KLHL1: variants seen among roughly 807,000 people sequenced by gnomAD.
KLHL1 encodes kelch like family member 1, also known as kelch-like protein 1.
In KLHL1, 47 loss-of-function variants were observed where a neutral mutation model predicts 77.7. The observed-to-expected ratio is 0.60, with a 90% CI of 0.48 to 0.77. KLHL1 has a LOEUF of 0.77. KLHL1 is among the 30% of genes least tolerant of loss of function. KLHL1 has a pLI of 0.00. For missense variants in KLHL1, 925 were observed against 910.8 expected (o/e 1.02, Z -0.20); for synonymous variants, 360 against 325.2 (o/e 1.11, Z -1.15).
intron 1 of KLHL1, among the ~76,000 whole-genome samples, chr13:70,012,371 T>G (rs1416540570): frequency 1.3e-5 from 2 of 150,380 alleles, no homozygotes; most frequent in East Asian, 3.8e-4. Flanking sequence ...TTTTCACTTT[T>G]AATTTTATTA....
At chr13:69,843,689 G>C (rs1480705786) in intron 5 of KLHL1, among the ~76,000 whole-genome samples, 2 of 151,648 alleles carry the variant, frequency 1.3e-5, no homozygotes, top group African/African-American at 4.8e-5. Context: ...AAATGATTTA[G>C]GATGGCCAAA....
chr13:70,078,877 T>A (rs1887325736), intron 1 of KLHL1, among the ~76,000 whole-genome samples: 1 of 152,188 alleles, frequency 6.6e-6, no homozygotes, highest in African/African-American at 2.4e-5. Flanking sequence ...AAAGTGAATA[T>A]GTTGAAATGA....
intron 1 of KLHL1, among the ~76,000 whole-genome samples, chr13:70,076,622 A>AAAAC (rs1566555928): frequency 4.6e-5 from 7 of 151,426 alleles, no homozygotes; most frequent in African/African-American, 1.7e-4. Context: ...GAAAACAAAA[A>AAAAC]AAAACAAAAC....
chr13:69,714,802 C>T lies in KLHL1; in HGVS notation c.2015+4567G>A, dbSNP rs552845918. ...ACAGATGGGATTTTGCTCTGTTGTC[C>T]AGGATGGTCTTAAACCCCTGAGCTC... On this transcript the variant is annotated intron_variant, in intron 9 of 10. Coordinates refer to ENST00000377844, the MANE Select transcript of KLHL1 (RefSeq NM_020866.3). Among the ~76,000 whole-genome samples, 105 of 152,060 alleles carry T rather than the reference C, an allele frequency of 6.9e-4. 1 individual carries two copies. In the South Asian group the frequency reaches 0.021, roughly 30 times the overall value.
chr13:69,795,509 A>G (rs115469077), intron 7 of KLHL1, among the ~76,000 whole-genome samples: 1,827 of 152,344 alleles, frequency 0.012, 24 homozygotes, highest in African/African-American at 0.04. Context: ...AGTAATTTGT[A>G]CTTCTCCTTA....
intron 5 of KLHL1, among the ~76,000 whole-genome samples, chr13:69,879,566 C>T (rs1454362644): frequency 6.6e-6 from 1 of 152,104 alleles, no homozygotes; most frequent in Non-Finnish European, 1.5e-5. Flanking sequence ...GTTAATGAAT[C>T]CAAGAGCAGC....
chr13:69,956,362 C>T (rs1310466029), intron 3 of KLHL1, among the ~76,000 whole-genome samples: 1 of 150,672 alleles, frequency 6.6e-6, no homozygotes, highest in Admixed American at 6.7e-5. Flanking sequence ...TTGAGAGTTG[C>T]TCAATGCATT....
intron 4 of KLHL1, among the ~76,000 whole-genome samples, chr13:69,906,149 T>C (rs1882039422): frequency 6.6e-6 from 1 of 152,114 alleles, no homozygotes; most frequent in Admixed American, 6.5e-5. Flanking sequence ...TATTCACTTA[T>C]TAAGTAATTA....
At chr13:69,942,031 G>T (rs1342455979) in intron 3 of KLHL1, among the ~76,000 whole-genome samples, 1 of 152,014 alleles carries the variant, frequency 6.6e-6, no homozygotes, top group East Asian at 1.9e-4. Context: ...ATTCAAAGGA[G>T]AGTTGGTGCC....
chr13:69,835,134 C>T (rs973865264), intron 6 of KLHL1, among the ~76,000 whole-genome samples: 1 of 151,948 alleles, frequency 6.6e-6, no homozygotes, highest in Middle Eastern at 3.4e-3. Flanking sequence ...TAGTTATAGA[C>T]AAAATACCTA....
At chr13:70,061,769 G>A (rs1341431450) in intron 1 of KLHL1, among the ~76,000 whole-genome samples, 1 of 151,910 alleles carries the variant, frequency 6.6e-6, no homozygotes, top group Non-Finnish European at 1.5e-5. Context: ...CTTTTTTTGT[G>A]TGTTTATTTA....
chr13:69,700,792 A>G lies in KLHL1; in HGVS notation c.*910T>C, dbSNP rs570055993. 5.9e-5 allele frequency: 9 copies of G among 152,356 alleles called. No individual in the cohort carries two copies. The highest frequency in any genetic ancestry group is 8.8e-5 in the Non-Finnish European group (6 of 67,844). The allele number at this position is 152,356 out of a possible 1,614,324, so 9.4% of individuals were successfully genotyped here. A position where few individuals can be genotyped will look rare whatever the true frequency, so the allele number is the denominator to read the frequency against. ...CTGCCTTCTTTCTAGCAATAATCATAAACACTCCAACTTAATGGATCATAT... is the reference window on the plus strand; with the variant it reads ...CTGCCTTCTTTCTAGCAATAATCATGAACACTCCAACTTAATGGATCATAT... On this transcript the variant is annotated 3_prime_UTR_variant, in exon 11 of 11. Coordinates refer to ENST00000377844, the MANE Select transcript of KLHL1 (RefSeq NM_020866.3).
chr13:69,740,324 T>C, intron 8 of KLHL1, 70 bp downstream of exon 8: 1 of 1,109,012 alleles, frequency 9.0e-7, no homozygotes, highest in Non-Finnish European at 1.2e-6. Flanking sequence ...TATTAAAACT[T>C]ATTTTTCAAA....
In KLHL1 at chr13:70,058,231, C is replaced by T. The variant is rs188544623; in HGVS notation, c.497+48972G>A. On this transcript the variant is annotated intron_variant, in intron 1 of 10. Transcript: ENST00000377844. ...GTTATTCAACATCGTATTAGAAGTGCTCTCTAGAGCAATCAGACAATAAAG... is the reference window on the plus strand; with the variant it reads ...GTTATTCAACATCGTATTAGAAGTGTTCTCTAGAGCAATCAGACAATAAAG... Among the ~76,000 whole-genome samples, 320 of 152,218 alleles carry T rather than the reference C, an allele frequency of 2.1e-3. 3 individuals are homozygous for T. The highest frequency in any genetic ancestry group is 7.3e-3 in the African/African-American group (303 of 41,522).
intron 1 of KLHL1, among the ~76,000 whole-genome samples, chr13:70,025,473 C>T (rs1388969813): frequency 2.0e-5 from 3 of 151,842 alleles, no homozygotes; most frequent in South Asian, 4.1e-4. Context: ...TCCTAGTGTA[C>T]AGAACATCTA....
chr13:69,816,944 C>T (rs547806692), intron 6 of KLHL1, among the ~76,000 whole-genome samples: 7 of 151,382 alleles, frequency 4.6e-5, no homozygotes, highest in Admixed American at 6.6e-5. Context: ...GGCAACAAAG[C>T]GAGACTCCAT....
intron 6 of KLHL1, among the ~76,000 whole-genome samples, chr13:69,810,741 A>G (rs1253279154): frequency 2.0e-5 from 3 of 151,166 alleles, no homozygotes; most frequent in Admixed American, 1.3e-4. Flanking sequence ...GTTGGTTAAC[A>G]AAAAAAAAGA....
intron 5 of KLHL1, among the ~76,000 whole-genome samples, chr13:69,858,934 A>T (rs1347692284): frequency 6.6e-6 from 1 of 151,978 alleles, no homozygotes; most frequent in African/African-American, 2.4e-5. Flanking sequence ...TTCTTAAAAC[A>T]TTTCTCTTGT....
intron 8 of KLHL1, among the ~76,000 whole-genome samples, chr13:69,720,845 A>G (rs550728063): frequency 6.7e-6 from 1 of 150,272 alleles, no homozygotes; most frequent in African/African-American, 2.4e-5. Context: ...GCAGCTTACA[A>G]GGTGCATGTA....
Sources: gnomAD v4.1 joint callset for allele counts (sites outside exome capture counted in the v4.1 genomes callset) on GRCh38, gnomAD v4.1.1 for gene constraint, MANE v1.5 for transcripts, NCBI Gene and HGNC (gene_info 2026-07-23, HGNC 2026-07-21) for gene names.